The following LAMB4 variants were observed in gnomAD, a reference collection of about 807,000 sequenced individuals.
The protein encoded by LAMB4 is laminin subunit beta-4.
A neutral mutation model predicts 199.2 loss-of-function variants in LAMB4; 196 were observed. The observed-to-expected ratio is 0.98, with a 90% CI of 0.88 to 1.11. The LOEUF (loss-of-function observed/expected upper bound fraction) is 1.11, where lower values mean the gene tolerates loss of function less well. Ranked by LOEUF, LAMB4 falls within the 50% of genes least tolerant of loss-of-function variation. The pLI is 0.00. For missense variants in LAMB4, 2,080 were observed against 2,171.2 expected (o/e 0.96, Z 0.83); for synonymous variants, 744 against 770.6 (o/e 0.97, Z 0.57).
At chr7:108,042,485 T>C (rs1249868640) in intron 29 of LAMB4, among the ~76,000 whole-genome samples, 1 of 151,982 alleles carries the variant, frequency 6.6e-6, no homozygotes, top group Non-Finnish European at 1.5e-5. Flanking sequence ...TTGATTTTGA[T>C]GTTTGTTTTG....
At chr7:108,101,136 G>T (rs1380639003) in intron 10 of LAMB4, among the ~76,000 whole-genome samples, 1 of 152,098 alleles carries the variant, frequency 6.6e-6, no homozygotes, top group African/African-American at 2.4e-5. Context: ...GCATTATATG[G>T]ATATACCCTA....
chr7:108,016,570 C>A, the LAMB4 span, among the ~76,000 whole-genome samples: 1 of 152,200 alleles, frequency 6.6e-6, no homozygotes. Context: ...AGGCATGAAC[C>A]ACTGAGCCCA....
In LAMB4 at chr7:108,097,189, A is replaced by G. The variant is rs75262728; in HGVS notation, c.1360+1214T>C. On this transcript the variant is annotated intron_variant, in intron 11 of 33. Coordinates refer to ENST00000388781, the MANE Select transcript of LAMB4 (RefSeq NM_007356.3). ...AAAGATTCAGACCAATGTTTTCTAAACATGCAAATAATCCACAGTTCCTTA... is the reference window on the plus strand; with the variant it reads ...AAAGATTCAGACCAATGTTTTCTAAGCATGCAAATAATCCACAGTTCCTTA... Among the ~76,000 whole-genome samples the G allele has an allele frequency of 2.1e-3, 327 of 152,306 alleles. 7 individuals are homozygous for G. In the East Asian group the frequency reaches 0.057, roughly 27 times the overall value.
chr7:108,081,098 G>C (rs748320655), intron 14 of LAMB4, among the ~76,000 whole-genome samples: 2 of 152,190 alleles, frequency 1.3e-5, no homozygotes, highest in Non-Finnish European at 2.9e-5. Flanking sequence ...CTCCAGCCTG[G>C]GCGACAGAGC....
intron 10 of LAMB4, among the ~76,000 whole-genome samples, chr7:108,100,437 C>T (rs927404493): frequency 4.6e-5 from 7 of 152,164 alleles, no homozygotes; most frequent in East Asian, 3.8e-4. Context: ...TATATATACA[C>T]ATAAACATTT....
intron 1 of LAMB4, 24 bp from the exon 2 acceptor site, chr7:108,123,221 C>T: frequency 1.4e-6 from 2 of 1,392,518 alleles, no homozygotes; most frequent in Non-Finnish European, 2.0e-6. Context: ...AGGTTAAAGT[C>T]AATCACTGAT....
rs765432275 is a variant in LAMB4 at position 108,095,316 on chromosome 7, C to T, written c.1382G>A (p.Gly461Glu). The change falls in exon 12 of 34, where the codon GGG becomes GAG. Residue 461 changes from glycine to glutamate, a missense_variant. By Grantham distance (98) the Gly-to-Glu change is moderately conservative (BLOSUM62 -2). Transcript: ENST00000388781. The stretch of plus-strand genomic sequence containing the variant: ...ATCACAGGTCAAGAATGGCAGACTC[C>T]CAAGGGGGTTACAGTCGCAGGCTGA... ...GCQPCDCNPL[G>E]SLPFLTCDVD... 6.2e-7 allele frequency: 1 copy of T among 1,613,634 alleles called. No individual in the cohort carries two copies. The highest frequency in any genetic ancestry group is 1.7e-5 in the Admixed American group (1 of 59,998).
chr7:108,116,577 A>G (rs1401525077), intron 2 of LAMB4, among the ~76,000 whole-genome samples: 1 of 152,200 alleles, frequency 6.6e-6, no homozygotes, highest in Non-Finnish European at 1.5e-5. Context: ...TAAAACGAAC[A>G]AAACAAAACT....
chr7:108,073,661 C>T (rs1209864909), intron 17 of LAMB4, among the ~76,000 whole-genome samples: 1 of 152,268 alleles, frequency 6.6e-6, no homozygotes, highest in African/African-American at 2.4e-5. Flanking sequence ...GAAAGGGCTG[C>T]GTCCCAAGCA....
intron 10 of LAMB4, among the ~76,000 whole-genome samples, chr7:108,099,311 CTGT>C (rs1037790817): frequency 1.3e-5 from 2 of 152,146 alleles, no homozygotes; most frequent in African/African-American, 4.8e-5. Flanking sequence ...AACCTTTTTC[CTGT>C]TGTTGTTGTA....
chr7:108,061,390 C>T (rs183480159), intron 23 of LAMB4, among the ~76,000 whole-genome samples: 1 of 152,178 alleles, frequency 6.6e-6, no homozygotes, highest in East Asian at 1.9e-4. Context: ...TTTCTCTGTT[C>T]TCTCTTTACA....
intron 31 of LAMB4, among the ~76,000 whole-genome samples, chr7:108,031,387 C>T (rs948056283): frequency 1.2e-4 from 15 of 128,134 alleles, no homozygotes; most frequent in South Asian, 2.6e-4. Flanking sequence ...AAAAAAAGAG[C>T]GAAGAGAAAA....
At chr7:108,044,985 GAAAAAAAAGA>G (rs950318353) in intron 28 of LAMB4, among the ~76,000 whole-genome samples, 1 of 129,896 alleles carries the variant, frequency 7.7e-6, no homozygotes, top group African/African-American at 3.1e-5. Flanking sequence ...GAAAAGAAAA[GAAAAAAAAGA>G]AAAAAAATTC....
At chr7:108,064,462 C>T (rs1400510441) in intron 21 of LAMB4, among the ~76,000 whole-genome samples, 1 of 152,198 alleles carries the variant, frequency 6.6e-6, no homozygotes, top group Non-Finnish European at 1.5e-5. Flanking sequence ...GAGCAGTTTT[C>T]ATGACATATG....
intron 20 of LAMB4, 40 bp from the exon 21 acceptor site, chr7:108,065,959 A>G (rs757780682): frequency 1.3e-6 from 2 of 1,588,098 alleles, no homozygotes; most frequent in Non-Finnish European, 1.7e-6. Flanking sequence ...GTTTCCAGGA[A>G]AAGATCACAT....
chr7:108,085,892 C>T (rs763053688), intron 14 of LAMB4, among the ~76,000 whole-genome samples: 1 of 152,162 alleles, frequency 6.6e-6, no homozygotes, highest in Non-Finnish European at 1.5e-5. Context: ...GGATTACAGG[C>T]GTGAGCCACT....
At chr7:108,069,982 CA>C in intron 17 of LAMB4, 97 bp from the exon 18 acceptor site, 1 of 910,114 alleles carries the variant, frequency 1.1e-6, no homozygotes, top group East Asian at 2.6e-5. Flanking sequence ...AATAATGGTT[CA>C]AAGAAGACTC....
intron 31 of LAMB4, among the ~76,000 whole-genome samples, chr7:108,033,542 G>T (rs1233894662): frequency 6.6e-6 from 1 of 151,988 alleles, no homozygotes; most frequent in African/African-American, 2.4e-5. Context: ...CCAAGTAGCT[G>T]GGATTATAGG....
intron 1 of LAMB4, among the ~76,000 whole-genome samples, chr7:108,128,578 TAGG>T (rs1417154678): frequency 6.6e-6 from 1 of 152,206 alleles, no homozygotes; most frequent in East Asian, 1.9e-4. Context: ...TTTCCCATTT[TAGG>T]AGAGCTAAGC....
Sources: allele counts gnomAD v4.1 joint callset (sites outside exome capture counted in the v4.1 genomes callset), GRCh38; gene constraint gnomAD v4.1.1; transcripts MANE v1.5; gene names NCBI Gene and HGNC (gene_info 2026-07-23, HGNC 2026-07-21).